The following TAF1 variants were observed in gnomAD, a reference collection of about 807,000 sequenced individuals.
The protein encoded by TAF1 is TATA-box binding protein associated factor 1, also known as transcription initiation factor TFIID subunit 1.
Under a neutral mutation model 138.5 loss-of-function variants are expected in TAF1, and 2 were observed. The ratio of observed to expected loss-of-function variants is 0.01; its 90% CI spans 0.01 to 0.05. The LOEUF is 0.05. TAF1 is among the 10% of genes least tolerant of loss of function. The pLI is 1.00. For synonymous variants in TAF1, 437 were observed against 503.2 expected (o/e 0.87, Z 1.76); for missense variants, 709 against 1,478.0 (o/e 0.48, Z 8.53).
At chrX:71,426,706 A>T (rs1389834293) in intron 32 of TAF1, among the ~76,000 whole-genome samples, 3 of 105,374 alleles carry the variant, frequency 2.8e-5, no homozygotes, top group African/African-American at 1.0e-4. Context: ...CAAGAGTGAA[A>T]CTCCATCTCA....
At chrX:71,463,699 C>G in intron 37 of TAF1, 125 bp from the exon 38 acceptor site, 1 of 638,023 alleles carries the variant, frequency 1.6e-6, no homozygotes, top group Non-Finnish European at 2.5e-6. Context: ...TAGAATAGTC[C>G]AGAACCAGTC....
intron 32 of TAF1, among the ~76,000 whole-genome samples, chrX:71,431,778 T>C (rs2036898913): frequency 9.1e-6 from 1 of 110,292 alleles, no homozygotes; most frequent in Non-Finnish European, 1.9e-5. Flanking sequence ...TAGCTGGGCA[T>C]GGTGGCATGC....
rs138982307 is a variant in TAF1 at position 71,511,625 on chromosome X, A to C, written c.1367-16917A>C. Among the ~76,000 whole-genome samples, 58 of 112,523 alleles carry C rather than the reference A, an allele frequency of 5.2e-4. 1 individual carries two copies. Among genetic ancestry groups the C allele is most frequent in the Middle Eastern group, 9.3e-3 (2 of 215 alleles). ...GGTGAAACTTGTAATTCACCCAGAA[A>C]GTTTCCAACAGTTCTCATCGTATCA... On this transcript the variant is annotated intron_variant and NMD_transcript_variant, in intron 13 of 14. Coordinates refer to the TAF1 transcript ENST00000373775.
At position 71,523,197 on chromosome X, in the gene TAF1, A is replaced by G. The variant is rs1231767857; in HGVS notation, c.1367-5345A>G. Among the ~76,000 whole-genome samples the G allele has an allele frequency of 2.8e-5, 3 of 107,978 alleles. No homozygotes were observed. The Admixed American group carries it at 3.0e-4, about 11-fold the overall frequency. 93.8% of individuals were successfully genotyped at this position (107,978 alleles called of 115,157 possible). On this transcript the variant is annotated intron_variant and NMD_transcript_variant, in intron 13 of 14. Coordinates refer to the TAF1 transcript ENST00000373775. Reference sequence around the variant, plus strand: ...CTCCCTCTCAAAAAAAAAAAAAAAAAAAAAAAAAAAATCCGTTATAGGTTG... The same window carrying G: ...CTCCCTCTCAAAAAAAAAAAAAAAAGAAAAAAAAAAATCCGTTATAGGTTG...
intron 32 of TAF1, among the ~76,000 whole-genome samples, chrX:71,440,225 C>T (rs745592637): frequency 7.2e-5 from 8 of 111,691 alleles, no homozygotes; most frequent in South Asian, 7.4e-4. Context: ...TGACTTTTTT[C>T]GCAAAGCATA....
At chrX:71,379,706 G>A (rs756270294) in intron 8 of TAF1, among the ~76,000 whole-genome samples, 157 of 105,885 alleles carry the variant, frequency 1.5e-3, no homozygotes, top group African/African-American at 5.3e-3. Flanking sequence ...GGGCTCAGGC[G>A]ATTCTCCTGC....
At chrX:71,412,850 T>A (rs966864335) in intron 28 of TAF1, among the ~76,000 whole-genome samples, 3 of 112,653 alleles carry the variant, frequency 2.7e-5, no homozygotes, top group East Asian at 5.5e-4. Context: ...CTTCCCAAAG[T>A]TCCGCGATTA....
intron 13 of TAF1, among the ~76,000 whole-genome samples, chrX:71,506,446 A>G (rs1489176512): frequency 9.3e-6 from 1 of 107,126 alleles, no homozygotes; most frequent in African/African-American, 3.4e-5. Context: ...GCACTTTGGG[A>G]GGCCGACATG....
intron 25 of TAF1, among the ~76,000 whole-genome samples, chrX:71,405,385 T>A (rs2035413309): frequency 9.1e-6 from 1 of 110,161 alleles, no homozygotes; most frequent in African/African-American, 3.3e-5. Flanking sequence ...TGATTTATTT[T>A]ATATGCCCAG....
intron 32 of TAF1, among the ~76,000 whole-genome samples, chrX:71,444,971 G>A (rs1413455181): frequency 1.8e-5 from 2 of 109,862 alleles, no homozygotes; most frequent in African/African-American, 6.6e-5. Flanking sequence ...CTCGTGATCT[G>A]CCCGCCTCAG....
chrX:71,445,105 G>T (rs2037625233), intron 32 of TAF1, among the ~76,000 whole-genome samples: 1 of 109,180 alleles, frequency 9.2e-6, no homozygotes, highest in Admixed American at 9.9e-5. Flanking sequence ...AGACCAGCCT[G>T]GTCAACATGG....
At chrX:71,454,485 G>A (rs181702497) in intron 33 of TAF1, among the ~76,000 whole-genome samples, 20 of 110,642 alleles carry the variant, frequency 1.8e-4, no homozygotes, top group African/African-American at 5.9e-4. Context: ...AGGTCTCCTT[G>A]GGATCTAGCT....
intron 13 of TAF1, among the ~76,000 whole-genome samples, chrX:71,514,378 A>G (rs1244882847): frequency 9.3e-6 from 1 of 107,687 alleles, no homozygotes. Flanking sequence ...GGGGAAGGAA[A>G]AGAGGCCAGG....
At chrX:71,485,444 C>G (rs1463601414) in intron 13 of TAF1, among the ~76,000 whole-genome samples, 1 of 109,698 alleles carries the variant, frequency 9.1e-6, no homozygotes, top group Admixed American at 9.6e-5. Flanking sequence ...TCCACTCCCA[C>G]CAGCAATGTA....
In TAF1 at chrX:71,424,066, GGTGA is replaced by G. The variant is rs1220785931; in HGVS notation, c.4668+9_4668+12del. 2 of 1,207,403 alleles carry G rather than the reference GGTGA, an allele frequency of 1.7e-6. No individual in the cohort carries two copies. Among genetic ancestry groups the G allele is most frequent in the Non-Finnish European group, 1.1e-6 (1 of 892,055 alleles). On this transcript the variant is annotated splice_donor_variant and splice_donor_region_variant and intron_variant, in intron 31 of 37. Transcript: ENST00000423759. LOFTEE classifies it high-confidence loss of function. ...CAATGGATTTAGAGACCATACGTAA[GGTGA>G]GTGAGTGATTTGATCTAAATGCCTT...
At chrX:71,524,657 A>G (rs2039962613) in intron 13 of TAF1, among the ~76,000 whole-genome samples, 1 of 109,373 alleles carries the variant, frequency 9.1e-6, no homozygotes, top group Non-Finnish European at 1.9e-5. Context: ...AAAAAAAAAA[A>G]AATGGCTGGG....
intron 16 of TAF1, 96 bp downstream of exon 16, chrX:71,388,474 A>T (rs1200284514): frequency 9.2e-7 from 1 of 1,092,807 alleles, no homozygotes; most frequent in Admixed American, 3.2e-5. Context: ...AATAAAATAG[A>T]AATTGATGGC....
intron 3 of TAF1, among the ~76,000 whole-genome samples, chrX:71,373,799 T>G (rs933679594): frequency 3.6e-5 from 4 of 110,766 alleles, no homozygotes; most frequent in African/African-American, 1.3e-4. Context: ...GCAGAGTCTT[T>G]AGGACGAATT....
intron 32 of TAF1, among the ~76,000 whole-genome samples, chrX:71,426,389 G>A (rs898677654): frequency 3.6e-5 from 4 of 110,492 alleles, no homozygotes; most frequent in African/African-American, 1.3e-4. Flanking sequence ...ACAGCGATAT[G>A]TAAAGGCACA....
Sources: allele counts gnomAD v4.1 joint callset (sites outside exome capture counted in the v4.1 genomes callset), GRCh38; gene constraint gnomAD v4.1.1; transcripts MANE v1.5; gene names NCBI Gene and HGNC (gene_info 2026-07-23, HGNC 2026-07-21).